TTLL3: variants seen among roughly 807,000 people sequenced by gnomAD.
TTLL3 encodes tubulin tyrosine ligase like 3.
Under a neutral mutation model 75.2 loss-of-function variants are expected in TTLL3, and 63 were observed. That is an observed-to-expected ratio of 0.84 (90% CI 0.68 to 1.03). The LOEUF is 1.03. Ranked by LOEUF, TTLL3 falls within the 50% of genes least tolerant of loss-of-function variation. The pLI is 0.00. For missense variants in TTLL3, 997 were observed against 1,069.9 expected, an observed-to-expected ratio of 0.93 and a Z score of 0.95; for synonymous variants, 393 against 418.5, an observed-to-expected ratio of 0.94 and a Z score of 0.74.
Position 9,827,102 on chromosome 3 carries a change from C to A in TTLL3, c.1109C>A (p.Pro370His). 6.2e-7 allele frequency: 1 copy of A among 1,614,176 alleles called. No individual in the cohort carries two copies. Reference protein sequence around the residue: ...KWVVQKYIERPLLIFGTKFDL... With the variant: ...KWVVQKYIERHLLIFGTKFDL... The stretch of plus-strand genomic sequence containing the variant: ...GTGGTGCAGAAGTATATTGAGCGGC[C>A]CCTCCTCATCTTTGGCACCAAGTTT... Residue 370 changes from proline to histidine, a missense_variant, in exon 10 of 14, where the codon CCC becomes CAC. Pro to His is a moderately conservative substitution (Grantham distance 77, BLOSUM62 -2). Coordinates refer to ENST00000685419, the MANE Select transcript of TTLL3 (RefSeq NM_001387446.1).
At chr3:9,830,444 G>A (rs1474062410) in intron 11 of TTLL3, among the ~76,000 whole-genome samples, 1 of 152,184 alleles carries the variant, frequency 6.6e-6, no homozygotes, top group Non-Finnish European at 1.5e-5. Context: ...GGCAGTTTAA[G>A]TGGCTTCTGA....
intron 12 of TTLL3, among the ~76,000 whole-genome samples, chr3:9,833,799 C>T (rs1372930855): frequency 6.6e-6 from 1 of 152,094 alleles, no homozygotes; most frequent in East Asian, 1.9e-4. Flanking sequence ...TATGATCGCA[C>T]CTCTGCACTC....
At position 9,835,359 on chromosome 3, in the gene TTLL3, C is replaced by T; in HGVS notation, c.2318C>T (p.Ala773Val). The change falls in exon 14 of 14, where the codon GCC becomes GTC. Residue 773 changes from alanine (A) to valine (V), a missense_variant. Physicochemically the swap from Ala to Val is moderately conservative, Grantham distance 64. Transcript: ENST00000685419. ...LGKPLLRFPT[A>V]LVLDPTPNKK... ...AAGCCCCTGCTTCGATTCCCCACTGCCCTTGTCCTGGATCCAACACCAAAT... is the reference window on the plus strand; with the variant it reads ...AAGCCCCTGCTTCGATTCCCCACTGTCCTTGTCCTGGATCCAACACCAAAT... 6.2e-7 allele frequency: 1 copy of T among 1,614,142 alleles called. No individual in the cohort carries two copies. Among genetic ancestry groups the T allele is most frequent in the Non-Finnish European group, 8.5e-7 (1 of 1,180,030 alleles).
In TTLL3 at chr3:9,834,820, G is replaced by C. The variant is rs2081942477; in HGVS notation, c.1965G>C (p.Leu655Phe). 2 of 1,614,116 alleles carry C rather than the reference G, an allele frequency of 1.2e-6. No homozygotes were observed. The highest frequency in any genetic ancestry group is 2.7e-5 in the African/African-American group (2 of 74,932). The part of the protein sequence containing the change: ...TKALSTTGKA[L>F]RTLPTAKVFI... ...CCCTGTCGACCACAGGCAAGGCCTT[G>C]AGGACTCTACCCACGGCTAAGGTCT... The change falls in exon 13 of 14, where the codon TTG becomes TTC. Residue 655 changes from leucine to phenylalanine, a missense_variant. Leu to Phe is a conservative substitution (Grantham distance 22, BLOSUM62 0). Transcript: ENST00000685419.
At chr3:9,809,895 T>G (rs2079180656), upstream of TTLL3, 2 of 706,758 alleles carry the variant, frequency 2.8e-6, no homozygotes, top group Non-Finnish European at 3.8e-6. Context: ...GGGCGGGGCT[T>G]GGAACGGAGG....
At chr3:9,824,742 T>C (rs552983273) in intron 8 of TTLL3, among the ~76,000 whole-genome samples, 358 of 137,754 alleles carry the variant, frequency 2.6e-3, no homozygotes, top group African/African-American at 4.4e-3. Flanking sequence ...CTTTTCTTTT[T>C]TTTTTTTTTT....
chr3:9,811,443 AACC>A (rs1005776133), intron 2 of TTLL3, among the ~76,000 whole-genome samples: 8 of 152,078 alleles, frequency 5.3e-5, no homozygotes, highest in African/African-American at 1.9e-4. Context: ...CCATCAGCAA[AACC>A]ACTTGTCATC....
intron 8 of TTLL3, among the ~76,000 whole-genome samples, chr3:9,821,361 C>A (rs973900472): frequency 1.3e-4 from 20 of 152,176 alleles, no homozygotes; most frequent in African/African-American, 4.1e-4. Flanking sequence ...AGGCAGAACA[C>A]ACAGTAAGCA....
intron 8 of TTLL3, among the ~76,000 whole-genome samples, chr3:9,824,264 A>T (rs2080800071): frequency 6.6e-6 from 1 of 152,234 alleles, no homozygotes; most frequent in African/African-American, 2.4e-5. Flanking sequence ...GTTTCAGCCA[A>T]TATTAGGCAC....
chr3:9,817,163 G>A (rs1342576086), intron 5 of TTLL3, among the ~76,000 whole-genome samples: 1 of 152,094 alleles, frequency 6.6e-6, no homozygotes, highest in South Asian at 2.1e-4. Context: ...AGTGGCTCAC[G>A]CCTGTAATCC....
chr3:9,810,656 T>C lies in TTLL3; in HGVS notation c.-6T>C, dbSNP rs1308403019. 1.9e-6 allele frequency: 3 copies of C among 1,582,156 alleles called. No individual in the cohort carries two copies. Among genetic ancestry groups the C allele is most frequent in the Admixed American group, 1.9e-5 (1 of 53,968 alleles). The stretch of plus-strand genomic sequence containing the variant: ...CCTCTGGCGAGGATCCTCCAAGGCG[T>C]CTCACATGAACCGGCTCAGAAACGC... On this transcript the variant is annotated 5_prime_UTR_variant, in exon 2 of 14. Transcript: ENST00000685419. The surrounding 1 kb of genome is among the most constrained non-coding windows in gnomAD (Gnocchi z 4.4).
At chr3:9,829,486 C>A (rs1004031680) in intron 11 of TTLL3, 91 bp downstream of exon 11, 1 of 1,459,914 alleles carries the variant, frequency 6.8e-7, no homozygotes, top group Non-Finnish European at 9.1e-7. Context: ...GCAGTCAGAC[C>A]CAGTTTAAGA....
rs113505865 is a variant in TTLL3, at chr3:9,819,476, C to T, written c.658+556C>T. Reference sequence around the variant, plus strand: ...CCCTGGAGAGGGCAGACTAAGAAGACATGGTCCGTCCCTGCCTGTGAGGAG... The same window carrying T: ...CCCTGGAGAGGGCAGACTAAGAAGATATGGTCCGTCCCTGCCTGTGAGGAG... On this transcript the variant is annotated intron_variant, in intron 7 of 13. Coordinates refer to ENST00000685419, the MANE Select transcript of TTLL3 (RefSeq NM_001387446.1). The T allele has an allele frequency of 1.2e-3, 1,218 of 992,562 alleles. 16 individuals are homozygous for T. In the African/African-American group the frequency reaches 0.02, roughly 16 times the overall value. 61.5% of individuals were successfully genotyped at this position (992,562 alleles called of 1,614,324 possible). A position where few individuals can be genotyped will look rare whatever the true frequency, so the allele number is the denominator to read the frequency against.
intron 10 of TTLL3, 48 bp downstream of exon 10, chr3:9,827,288 G>A: frequency 1.2e-6 from 2 of 1,600,564 alleles, no homozygotes. Flanking sequence ...TAGTTGGGGA[G>A]CTGGCAAGCA....
At chr3:9,809,948 G>A (rs1372301419), upstream of TTLL3, 2 of 148,972 alleles carry the variant, frequency 1.3e-5, no homozygotes, top group South Asian at 2.0e-4. Context: ...GAGAGGAGGC[G>A]GCGACGCGGA....
chr3:9,819,165 A>G (rs2080181712), intron 7 of TTLL3: 2 of 535,568 alleles, frequency 3.7e-6, no homozygotes, highest in Non-Finnish European at 6.6e-6. Flanking sequence ...TCATCCTTCC[A>G]TCCTCCCACC....
chr3:9,833,188 C>G lies in TTLL3; in HGVS notation c.1768C>G (p.Arg590Gly). 6.2e-7 allele frequency: 1 copy of G among 1,614,124 alleles called. No homozygotes were observed. Among genetic ancestry groups the G allele is most frequent in the Non-Finnish European group, 8.5e-7 (1 of 1,179,988 alleles). The stretch of plus-strand genomic sequence containing the variant: ...CAAGAAGCCCATGGCGATGTGTCAT[C>G]GGCGGATGGGGGTCCGCCCAGCAGT... ...TIKKPMAMCH[R>G]RMGVRPAVPL... The change falls in exon 12 of 14, where the codon CGG (arginine) becomes GGG (glycine). Residue 590 changes from arginine to glycine, a missense_variant. By Grantham distance (125) the Arg-to-Gly change is moderately radical. Coordinates refer to ENST00000685419, the MANE Select transcript of TTLL3 (RefSeq NM_001387446.1).
At chr3:9,828,686 G>A in intron 10 of TTLL3, 1 of 487,776 alleles carries the variant, frequency 2.1e-6, no homozygotes, top group Non-Finnish European at 3.7e-6. Flanking sequence ...CAGACACTGG[G>A]ATGGTTAACT....
At chr3:9,811,577 C>A (rs1224835458) in intron 2 of TTLL3, among the ~76,000 whole-genome samples, 1 of 152,200 alleles carries the variant, frequency 6.6e-6, no homozygotes, top group East Asian at 1.9e-4. Flanking sequence ...GCTGGTCTAC[C>A]TCCATCCTGT....
Sources: allele counts gnomAD v4.1 joint callset (sites outside exome capture counted in the v4.1 genomes callset), GRCh38; gene constraint gnomAD v4.1.1; non-coding constraint Gnocchi (gnomAD v3.1); transcripts MANE v1.5; gene names NCBI Gene and HGNC (gene_info 2026-07-23, HGNC 2026-07-21).